Variants in CEACAM20 observed in about 807,000 individuals in gnomAD.
CEACAM20 encodes the protein CEA cell adhesion molecule 20.
In CEACAM20, 50 loss-of-function variants were observed where a neutral mutation model predicts 61.2. That is an observed-to-expected ratio of 0.82 (90% CI 0.65 to 1.03). CEACAM20 has a LOEUF of 1.03. CEACAM20 is among the 50% of genes least tolerant of loss of function. CEACAM20 has a pLI of 0.00. For synonymous variants in CEACAM20, 282 were observed against 287.7 expected (o/e 0.98, Z 0.20); for missense variants, 683 against 736.4 (o/e 0.93, Z 0.84).
chr19:44,528,819 TTCC>T (rs970611529), intron 1 of CEACAM20, among the ~76,000 whole-genome samples: 1 of 143,976 alleles, frequency 6.9e-6, no homozygotes. Flanking sequence ...CTGTCACTCT[TTCC>T]TCAAGTATAC....
chr19:44,506,911 GGT>G (rs1412739556), intron 11 of CEACAM20, among the ~76,000 whole-genome samples: 1 of 152,138 alleles, frequency 6.6e-6, no homozygotes, highest in Non-Finnish European at 1.5e-5. Flanking sequence ...CAAAGTCTGT[GGT>G]AATTCATTAT....
chr19:44,513,221 C>G lies in CEACAM20; in HGVS notation c.1378G>C (p.Ala460Pro). The part of the protein sequence containing the change: ...GIVIGILAVI[A>P]VASELGYFLC... ...AAATAGCCCAGTTCTGAGGCCACAG[C>G]AATGACAGCCAGGATCCCGATGACA... The change falls in exon 7 of 12, where the codon GCT (alanine) becomes CCT (proline). Residue 460 changes from alanine (A) to proline (P), a missense_variant. Physicochemically the swap from Ala to Pro is conservative, Grantham distance 27 (BLOSUM62 -1). Transcript: ENST00000614924. 6.2e-7 allele frequency: 1 copy of G among 1,613,834 alleles called. No homozygotes were observed. The highest frequency in any genetic ancestry group is 8.5e-7 in the Non-Finnish European group (1 of 1,179,858).
chr19:44,522,891 AT>A lies in CEACAM20; in HGVS notation c.493del (p.Ile165SerfsTer15). ...ACTGGCAACACCAGACTCCAATTTG[AT>A]TTCAACAGGATCAGGACCATCTGAG... The part of the protein sequence containing the change: ...DVKYGPDPVE[I>X]KLESGVASGE... On this transcript the variant is annotated frameshift_variant, in exon 4 of 12. Transcript: ENST00000614924. LOFTEE classifies it high-confidence loss of function. 6.2e-7 allele frequency: 1 copy of A among 1,605,486 alleles called. No homozygotes were observed. Among genetic ancestry groups the A allele is most frequent in the South Asian group, 1.1e-5 (1 of 88,882 alleles).
At chr19:44,529,412 C>T (rs1292276333) in intron 1 of CEACAM20, 46 bp downstream of exon 1, 1 of 1,528,750 alleles carries the variant, frequency 6.5e-7, no homozygotes, top group South Asian at 1.1e-5. Flanking sequence ...CAAATAGATG[C>T]ATACAACCTC....
chr19:44,520,778 C>A, intron 4 of CEACAM20, 26 bp from the exon 5 acceptor site: 1 of 1,601,366 alleles, frequency 6.2e-7, no homozygotes, highest in Middle Eastern at 1.7e-4. Context: ...GATACACAGT[C>A]AGGTTCAGGG....
At chr19:44,525,639 C>T (rs1275026245) in intron 1 of CEACAM20, among the ~76,000 whole-genome samples, 4 of 152,106 alleles carry the variant, frequency 2.6e-5, no homozygotes, top group Non-Finnish European at 5.9e-5. Context: ...GACGGGGTTT[C>T]GCCATGTTGG....
rs1568452690 is a variant in CEACAM20 at position 44,518,093 on chromosome 19, AG to A, written c.1031-870del. ...TCAAAAGGAAAGAGGAAAGAAAGAAAGAAAGAAAGAAAGGAAGGAAGGAAGG... is the reference window on the plus strand; with the variant it reads ...TCAAAAGGAAAGAGGAAAGAAAGAAAAAAGAAAGAAAGGAAGGAAGGAAGG... On this transcript the variant is annotated intron_variant, in intron 5 of 11. Coordinates refer to ENST00000614924, the MANE Select transcript of CEACAM20 (RefSeq NM_001102597.3). Among the ~76,000 whole-genome samples, 2 of 108,168 alleles carry A rather than the reference AG, an allele frequency of 1.8e-5. 1 individual carries two copies. The highest frequency in any genetic ancestry group is 9.6e-5 in the African/African-American group (2 of 20,732). The allele number at this position is 108,168 out of a possible 152,430, so 71.0% of individuals were successfully genotyped here.
At chr19:44,514,339 T>A (rs1470447543) in intron 6 of CEACAM20, among the ~76,000 whole-genome samples, 1 of 152,130 alleles carries the variant, frequency 6.6e-6, no homozygotes, top group Non-Finnish European at 1.5e-5. Flanking sequence ...AGCCACTGAG[T>A]TAAGAACACA....
At position 44,525,212 on chromosome 19, in the gene CEACAM20, C is replaced by T; in HGVS notation, c.85G>A (p.Ala29Thr). Residue 29 changes from alanine to threonine, a missense_variant, in exon 2 of 12, where the codon GCA becomes ACA. Coordinates refer to ENST00000614924, the MANE Select transcript of CEACAM20 (RefSeq NM_001102597.3). ...SLCTVWSPPA[A>T]AQLTLNANPL... ...TTGGCATTGAGGGTGAGCTGGGCTGCAGCTGGAGGACTCCATACGGTACAA... is the reference window on the plus strand; with the variant it reads ...TTGGCATTGAGGGTGAGCTGGGCTGTAGCTGGAGGACTCCATACGGTACAA... The T allele has an allele frequency of 1.2e-6, 2 of 1,607,644 alleles. No homozygotes were observed. Among genetic ancestry groups the T allele is most frequent in the Admixed American group, 1.7e-5 (1 of 59,028 alleles).
At position 44,526,602 on chromosome 19, in the gene CEACAM20, C is replaced by A. The variant is rs188162861; in HGVS notation, c.53-1358G>T. On this transcript the variant is annotated intron_variant, in intron 1 of 11. Coordinates refer to ENST00000614924, the MANE Select transcript of CEACAM20 (RefSeq NM_001102597.3). ...GGCTGCAAGAGACTATGGGACCTGG[C>A]GCGGTGGCTCATGCTTGTAATCCCA... is the stretch of plus-strand genomic sequence containing the variant. Among the ~76,000 whole-genome samples, 418 of 151,632 alleles carry A rather than the reference C, an allele frequency of 2.8e-3. 10 individuals carry two copies. The highest frequency in any genetic ancestry group is 0.025 in the Admixed American group (374 of 15,244).
At chr19:44,521,400 A>G (rs1971360695) in intron 4 of CEACAM20, among the ~76,000 whole-genome samples, 1 of 152,038 alleles carries the variant, frequency 6.6e-6, no homozygotes, top group East Asian at 1.9e-4. Context: ...TATTAGGTGT[A>G]TATATATTTT....
rs765849949 is a variant in CEACAM20 at position 44,511,027 on chromosome 19, T to TA, written c.1737+2dup. On this transcript the variant is annotated splice_region_variant and intron_variant, in intron 11 of 11. Transcript: ENST00000614924. ...CCAAAGACTCAGTGTGGCATAAACA[T>TA]ACCTCATAGATTGACTCCATGTTTT... 6.2e-7 allele frequency: 1 copy of TA among 1,613,808 alleles called. No individual in the cohort carries two copies. The highest frequency in any genetic ancestry group is 1.3e-5 in the African/African-American group (1 of 74,930).
At chr19:44,512,398 T>C (rs1971028679) in intron 8 of CEACAM20, among the ~76,000 whole-genome samples, 1 of 152,116 alleles carries the variant, frequency 6.6e-6, no homozygotes, top group South Asian at 2.1e-4. Context: ...GATTGGACAG[T>C]TTCTAGAAAG....
At chr19:44,528,352 C>T (rs1435671600) in intron 1 of CEACAM20, among the ~76,000 whole-genome samples, 3 of 151,972 alleles carry the variant, frequency 2.0e-5, no homozygotes, top group East Asian at 3.9e-4. Context: ...CTCAGCCTCC[C>T]GAGTAGCTGG....
At chr19:44,511,406 T>C (rs537917312) in intron 10 of CEACAM20, among the ~76,000 whole-genome samples, 21 of 152,264 alleles carry the variant, frequency 1.4e-4, no homozygotes, top group Non-Finnish European at 1.8e-4. Context: ...TACCACCTCA[T>C]TGGCAATCCA....
At chr19:44,515,692 C>T (rs538751852) in intron 6 of CEACAM20, among the ~76,000 whole-genome samples, 5 of 152,174 alleles carry the variant, frequency 3.3e-5, no homozygotes, top group East Asian at 3.9e-4. Context: ...GGCTGAGCTT[C>T]GTGGCTCAAG....
At chr19:44,528,187 TCTTTCTTTC>T (rs1307061999) in intron 1 of CEACAM20, among the ~76,000 whole-genome samples, 3 of 147,636 alleles carry the variant, frequency 2.0e-5, no homozygotes, top group African/African-American at 4.9e-5. Context: ...TTCTTTCCTT[TCTTTCTTTC>T]CTTTCTTTCT....
chr19:44,518,107 G>GAAAGA (rs1568452831), intron 5 of CEACAM20, among the ~76,000 whole-genome samples: 10 of 40,712 alleles, frequency 2.5e-4, no homozygotes, highest in African/African-American at 1.0e-3. Flanking sequence ...AGAAAGAAAG[G>GAAAGA]AAGGAAGGAA....
intron 1 of CEACAM20, among the ~76,000 whole-genome samples, chr19:44,528,811 G>A (rs1226317293): frequency 6.8e-6 from 1 of 147,036 alleles, no homozygotes; most frequent in Non-Finnish European, 1.5e-5. Context: ...CTCTGCCTCT[G>A]TCACTCTTTC....
Sources: gnomAD v4.1 joint callset for allele counts (sites outside exome capture counted in the v4.1 genomes callset) on GRCh38, gnomAD v4.1.1 for gene constraint, MANE v1.5 for transcripts, NCBI Gene and HGNC (gene_info 2026-07-23, HGNC 2026-07-21) for gene names.